The following STXBP2 variants were observed in gnomAD, a reference collection of about 807,000 sequenced individuals.
The protein encoded by STXBP2 is syntaxin-binding protein 2.
STXBP2 carries 47 observed loss-of-function variants against 72.2 expected under a neutral mutation model. That is an observed-to-expected ratio of 0.65 (90% CI 0.51 to 0.83). The LOEUF is 0.83. STXBP2 is among the 40% of genes least tolerant of loss of function. STXBP2 has a pLI of 0.00. For missense variants in STXBP2, 702 were observed against 807.6 expected, an observed-to-expected ratio of 0.87 and a Z score of 1.58; for synonymous variants, 367 against 338.7, an observed-to-expected ratio of 1.08 and a Z score of -0.92.
At chr19:7,647,605 G>A in intron 18 of STXBP2, 94 bp downstream of exon 18, 1 of 1,595,160 alleles carries the variant, frequency 6.3e-7, no homozygotes. Context: ...AGAGTCCTTG[G>A]AGTCAGGGAC....
chr19:7,643,583 C>T (rs1298583132), intron 13 of STXBP2, among the ~76,000 whole-genome samples: 2 of 128,954 alleles, frequency 1.6e-5, no homozygotes, highest in African/African-American at 3.0e-5. Flanking sequence ...TGGAGAGGTG[C>T]GACCTGGGAG....
intron 16 of STXBP2, chr19:7,646,794 G>A: frequency 4.9e-6 from 2 of 412,250 alleles, no homozygotes; most frequent in South Asian, 5.3e-5. Flanking sequence ...TGAATACCTG[G>A]ACTTCTGGGG....
chr19:7,640,790 C>T lies in STXBP2; in HGVS notation c.306C>T (p.Ala102=). Residue 102 remains alanine, a synonymous_variant, in exon 5 of 19, where the codon GCC becomes GCT. Transcript: ENST00000221283. The part of the protein sequence containing the change: ...QGTPTFTYKA[A]HIFFTDTCPE... The stretch of plus-strand genomic sequence containing the variant: ...CCCCGACTTTCACCTACAAAGCGGC[C>T]CATATCTTCTTCACCGACAGTGAGT... 6.2e-7 allele frequency: 1 copy of T among 1,614,140 alleles called. No homozygotes were observed. Among genetic ancestry groups the T allele is most frequent in the Non-Finnish European group, 8.5e-7 (1 of 1,180,010 alleles).
In STXBP2 at chr19:7,647,317, G is replaced by A. The variant is rs201168721; in HGVS notation, c.1539-37G>A. 11 of 1,612,092 alleles carry A rather than the reference G, an allele frequency of 6.8e-6. No homozygotes were observed. In the African/African-American group the frequency reaches 1.3e-4, roughly 20 times the overall value. ...GGTGGGCGGCCTGGCGGCGGTGAGGGCCTCCTGCCTGGACTTTCTGCCCCT... is the reference window on the plus strand; with the variant it reads ...GGTGGGCGGCCTGGCGGCGGTGAGGACCTCCTGCCTGGACTTTCTGCCCCT... On this transcript the variant is annotated intron_variant, in intron 17 of 18. Coordinates refer to ENST00000221283, the MANE Select transcript of STXBP2 (RefSeq NM_006949.4).
upstream of STXBP2, among the ~76,000 whole-genome samples, chr19:7,634,449 C>T (rs2031453865): frequency 6.6e-6 from 1 of 152,328 alleles, no homozygotes; most frequent in South Asian, 2.1e-4. Context: ...TGAAGTGTCC[C>T]CCTCCTCAGT....
chr19:7,639,615 G>A (rs955256193), intron 3 of STXBP2, 116 bp from the exon 4 acceptor site: 5 of 942,610 alleles, frequency 5.3e-6, no homozygotes, highest in East Asian at 2.6e-5. Context: ...TTCTCCTGCA[G>A]TCCCTCCTAA....
At chr19:7,646,587 T>C in intron 16 of STXBP2, 1 of 589,568 alleles carries the variant, frequency 1.7e-6, no homozygotes. Flanking sequence ...CTCCGCTATA[T>C]CTCTCTAGTC....
intron 3 of STXBP2, chr19:7,639,315 CCTGCAGCACTCCCTGG>C: frequency 3.1e-6 from 2 of 649,048 alleles, no homozygotes. Flanking sequence ...GCAGGCCTCC[CCTGCAGCACTCCCTGG>C]CTGCAGCCCC....
chr19:7,645,030 C>A (rs924737310), intron 14 of STXBP2, 167 bp from the exon 15 acceptor site: 2 of 1,457,740 alleles, frequency 1.4e-6, no homozygotes, highest in Non-Finnish European at 1.8e-6. Context: ...TGATCTACCC[C>A]CTCCAGGTTT....
At chr19:7,637,359 C>T (rs1450488257) in intron 1 of STXBP2, among the ~76,000 whole-genome samples, 173 bp downstream of exon 1, 2 of 152,118 alleles carry the variant, frequency 1.3e-5, no homozygotes, top group Non-Finnish European at 2.9e-5. Flanking sequence ...CTGGACGCCC[C>T]TGCTCTCCGG....
chr19:7,642,709 C>T lies in STXBP2; in HGVS notation c.903-57C>T, dbSNP rs1294770167. 4 of 1,586,466 alleles carry T rather than the reference C, an allele frequency of 2.5e-6. No individual in the cohort carries two copies. Among genetic ancestry groups the T allele is most frequent in the Non-Finnish European group, 3.5e-6 (4 of 1,157,230 alleles). On this transcript the variant is annotated intron_variant, in intron 10 of 18. Transcript: ENST00000221283. This position sits in a 1 kb window ranked among gnomAD's most constrained non-coding sequence, Gnocchi z 6.0. ...TCCCTGTCCCCCCTGAGTGGGCTCA[C>T]CCATGGCCTGTGGCTCCTCTCCCCT...
intron 1 of STXBP2, among the ~76,000 whole-genome samples, chr19:7,638,269 T>TG (rs1315275154): frequency 1.3e-5 from 2 of 152,226 alleles, no homozygotes; most frequent in African/African-American, 2.4e-5. Context: ...GTCTGTAAAT[T>TG]GGGGGTGACC....
Position 7,639,080 on chromosome 19 carries a change from T to C in STXBP2, c.149T>C (p.Ile50Thr). The change falls in exon 3 of 19, where the codon ATC (isoleucine) becomes ACC (threonine). Residue 50 changes from isoleucine (I) to threonine (T), a missense_variant. By Grantham distance (89) the Ile-to-Thr change is moderately conservative (BLOSUM62 -1). Coordinates refer to ENST00000221283, the MANE Select transcript of STXBP2 (RefSeq NM_006949.4). ...TCTTCCTGCTGCAAAATGTCAGATA[T>C]CCTGGCTGAGGGCATCACCAGTGAG... ...ILSSCCKMSD[I>T]LAEGITIVED... 2 of 1,614,188 alleles carry C rather than the reference T, an allele frequency of 1.2e-6. No individual in the cohort carries two copies. The highest frequency in any genetic ancestry group is 1.1e-5 in the South Asian group (1 of 91,088).
At chr19:7,640,372 GT>G in intron 4 of STXBP2, 1 of 574,344 alleles carries the variant, frequency 1.7e-6, no homozygotes, top group South Asian at 1.6e-5. Flanking sequence ...GTATGCGTGT[GT>G]GTGCGCATCA....
upstream of STXBP2, chr19:7,633,072 C>T: frequency 7.7e-7 from 1 of 1,304,960 alleles, no homozygotes; most frequent in Non-Finnish European, 1.0e-6. Flanking sequence ...GGTACCGCTT[C>T]AAGGGACAGG....
chr19:7,631,998 G>T, upstream of STXBP2: 1 of 525,632 alleles, frequency 1.9e-6, no homozygotes, highest in Non-Finnish European at 3.1e-6. Context: ...TGGGGCCCTC[G>T]CTGGGATCTT....
upstream of STXBP2, chr19:7,632,565 C>A (rs1365592767): frequency 1.2e-6 from 2 of 1,605,314 alleles, no homozygotes; most frequent in Admixed American, 3.3e-5. This position sits in a 1 kb window ranked among gnomAD's most constrained non-coding sequence, Gnocchi z 5.2. Context: ...GAGTGGGGGC[C>A]CCCAACCCTA....
At chr19:7,633,782 G>T, upstream of STXBP2, 1 of 375,644 alleles carries the variant, frequency 2.7e-6, no homozygotes, top group Non-Finnish European at 4.9e-6. Flanking sequence ...CACAGTTGGA[G>T]AAGGGAGGCC....
At chr19:7,632,541 G>A (rs1445453897), upstream of STXBP2, 1 of 1,610,658 alleles carries the variant, frequency 6.2e-7, no homozygotes, top group Non-Finnish European at 8.5e-7. This position sits in a 1 kb window ranked among gnomAD's most constrained non-coding sequence, Gnocchi z 5.2. Context: ...CACAGACTTG[G>A]GAGGACACAG....
Sources: allele counts gnomAD v4.1 joint callset (sites outside exome capture counted in the v4.1 genomes callset), GRCh38; gene constraint gnomAD v4.1.1; non-coding constraint Gnocchi (gnomAD v3.1); transcripts MANE v1.5; gene names NCBI Gene and HGNC (gene_info 2026-07-23, HGNC 2026-07-21).